Variants in ERBB4 observed in about 807,000 individuals in gnomAD.
ERBB4 encodes the protein erb-b2 receptor tyrosine kinase 4.
A neutral mutation model predicts 158.0 loss-of-function variants in ERBB4; 42 were observed. That is an observed-to-expected ratio of 0.27 (90% CI 0.21 to 0.34). The LOEUF (loss-of-function observed/expected upper bound fraction) is 0.34, where lower values mean the gene tolerates loss of function less well. ERBB4 is among the 10% of genes least tolerant of loss of function. The probability of loss-of-function intolerance (pLI) is 1.00; values close to 1 mark genes in which losing one functional copy is unlikely to be tolerated. For missense variants in ERBB4, 1,333 were observed against 1,624.1 expected, an observed-to-expected ratio of 0.82 and a Z score of 3.08; for synonymous variants, 583 against 558.7, an observed-to-expected ratio of 1.04 and a Z score of -0.61.
chr2:212,084,466 A>G (rs1161809760), intron 2 of ERBB4, among the ~76,000 whole-genome samples: 5 of 152,008 alleles, frequency 3.3e-5, no homozygotes, highest in African/African-American at 7.2e-5. Flanking sequence ...AAAGAAAATT[A>G]CAATTTAGAG....
At chr2:212,137,660 A>G (rs1575687380) in intron 1 of ERBB4, among the ~76,000 whole-genome samples, 1 of 152,166 alleles carries the variant, frequency 6.6e-6, no homozygotes, top group East Asian at 1.9e-4. Context: ...TTTATAACAG[A>G]ATGATTTATA....
chr2:211,978,406 C>CTA (rs1428645777), intron 2 of ERBB4, among the ~76,000 whole-genome samples: 4 of 150,816 alleles, frequency 2.7e-5, no homozygotes, highest in Non-Finnish European at 5.9e-5. Flanking sequence ...GTCTATCTAT[C>CTA]TATCTATCTA....
intron 3 of ERBB4, among the ~76,000 whole-genome samples, chr2:211,795,633 T>C (rs984309867): frequency 1.3e-5 from 2 of 151,772 alleles, no homozygotes; most frequent in African/African-American, 4.8e-5. Context: ...CCATCTTCAA[T>C]ACAAGAGGAG....
chr2:212,066,750 C>T (rs1050281198), intron 2 of ERBB4, among the ~76,000 whole-genome samples: 5 of 151,860 alleles, frequency 3.3e-5, no homozygotes, highest in South Asian at 2.1e-4. Context: ...TAATCTAACG[C>T]GTTTCTAAAA....
At chr2:211,827,476 T>C (rs1360431179) in intron 3 of ERBB4, among the ~76,000 whole-genome samples, 1 of 152,082 alleles carries the variant, frequency 6.6e-6, no homozygotes, top group Non-Finnish European at 1.5e-5. Flanking sequence ...TGGGTGGAAA[T>C]AAAAGCCTTC....
At chr2:212,244,994 A>G (rs900660735) in intron 1 of ERBB4, among the ~76,000 whole-genome samples, 3 of 152,096 alleles carry the variant, frequency 2.0e-5, no homozygotes, top group African/African-American at 4.8e-5. Flanking sequence ...GAGTTTTCCA[A>G]TGTTATACAA....
At chr2:211,559,032 A>G (rs955618230) in intron 20 of ERBB4, among the ~76,000 whole-genome samples, 1 of 152,118 alleles carries the variant, frequency 6.6e-6, no homozygotes, top group African/African-American at 2.4e-5. Context: ...TTCATGTTCT[A>G]TAAACTTTTC....
chr2:212,213,563 A>G lies in ERBB4; in HGVS notation c.83-88660T>C, dbSNP rs917196088. 2.6e-5 allele frequency among the ~76,000 whole-genome samples: 4 copies of G among 152,068 alleles called. No homozygotes were observed. In the East Asian group the frequency reaches 5.8e-4, roughly 22 times the overall value. ...TCTCACATCATCCCAAAGTGCTGAC[A>G]TAGGATCTACATGTTAGAAAATATT... On this transcript the variant is annotated intron_variant, in intron 1 of 27. Transcript: ENST00000342788.
intron 3 of ERBB4, among the ~76,000 whole-genome samples, chr2:211,884,587 T>C (rs1018270807): frequency 2.0e-5 from 3 of 152,188 alleles, no homozygotes; most frequent in Admixed American, 1.3e-4. Context: ...TGTTAAAACA[T>C]GTCACCTAAC....
intron 3 of ERBB4, among the ~76,000 whole-genome samples, chr2:211,876,762 T>C (rs1364849083): frequency 6.6e-6 from 1 of 152,176 alleles, no homozygotes; most frequent in Non-Finnish European, 1.5e-5. Context: ...TGTATATACA[T>C]ATATAAAAAT....
At chr2:211,973,665 C>G (rs919802605) in intron 2 of ERBB4, among the ~76,000 whole-genome samples, 25 of 152,130 alleles carry the variant, frequency 1.6e-4, no homozygotes, top group Non-Finnish European at 3.7e-4. Flanking sequence ...TTGTGGAAGA[C>G]AGTGTGGCAA....
chr2:212,521,344 C>T (rs1446801622), intron 1 of ERBB4, among the ~76,000 whole-genome samples: 2 of 151,644 alleles, frequency 1.3e-5, no homozygotes, highest in African/African-American at 4.8e-5. Flanking sequence ...GAAAACTGCC[C>T]TTCAGAGAGA....
At chr2:212,227,451 T>C (rs13429136) in intron 1 of ERBB4, among the ~76,000 whole-genome samples, 75,337 of 151,834 alleles carry the variant, frequency 0.5, 19,122 homozygotes, top group East Asian at 0.76. Flanking sequence ...GTGTTAATCT[T>C]TCCTGAACAA....
intron 1 of ERBB4, among the ~76,000 whole-genome samples, chr2:212,223,147 C>T (rs888275479): frequency 3.3e-5 from 5 of 151,280 alleles, no homozygotes; most frequent in African/African-American, 1.2e-4. Context: ...ATCTGAAAAT[C>T]TAATTTAACT....
chr2:211,435,892 T>C (rs2063841453), intron 20 of ERBB4, among the ~76,000 whole-genome samples: 1 of 152,172 alleles, frequency 6.6e-6, no homozygotes, highest in South Asian at 2.1e-4. Flanking sequence ...TCTTCTCTCT[T>C]AATGGGTCAC....
intron 1 of ERBB4, among the ~76,000 whole-genome samples, chr2:212,479,543 A>G (rs555574114): frequency 6.6e-6 from 1 of 152,256 alleles, no homozygotes; most frequent in African/African-American, 2.4e-5. Flanking sequence ...AACTCATTAA[A>G]TTCCTCTCTC....
chr2:211,548,329 G>C (rs2066994952), intron 20 of ERBB4, among the ~76,000 whole-genome samples: 1 of 147,566 alleles, frequency 6.8e-6, no homozygotes. Flanking sequence ...ACTATTGGTG[G>C]AAAGGGAAGA....
chr2:211,998,081 T>A (rs2076008937), intron 2 of ERBB4, among the ~76,000 whole-genome samples: 1 of 151,828 alleles, frequency 6.6e-6, no homozygotes, highest in African/African-American at 2.4e-5. Context: ...ATACCTAACG[T>A]TAAATGATGA....
At chr2:211,967,200 A>G (rs2081331918) in intron 2 of ERBB4, among the ~76,000 whole-genome samples, 1 of 152,018 alleles carries the variant, frequency 6.6e-6, no homozygotes, top group Non-Finnish European at 1.5e-5. Context: ...TCATTTCCTC[A>G]TTCAGTAAGT....
Sources: allele counts gnomAD v4.1 joint callset (sites outside exome capture counted in the v4.1 genomes callset), GRCh38; gene constraint gnomAD v4.1.1; transcripts MANE v1.5; gene names NCBI Gene and HGNC (gene_info 2026-07-23, HGNC 2026-07-21).